JAK2: variants seen among roughly 807,000 people sequenced by gnomAD.
JAK2 encodes Janus kinase 2.
Under a neutral mutation model 139.3 loss-of-function variants are expected in JAK2, and 86 were observed. That is an observed-to-expected ratio of 0.62 (90% CI 0.52 to 0.74). The LOEUF is 0.74. Among genes scored for constraint, JAK2 ranks in the 30% least tolerant of loss-of-function variants. The pLI is 0.00. For missense variants in JAK2, 1,421 were observed against 1,360.3 expected, an observed-to-expected ratio of 1.04 and a Z score of -0.70; for synonymous variants, 490 against 437.7, an observed-to-expected ratio of 1.12 and a Z score of -1.49.
intron 6 of JAK2, among the ~76,000 whole-genome samples, chr9:5,052,156 C>G (rs1281629235): frequency 1.3e-5 from 2 of 152,014 alleles, no homozygotes; most frequent in African/African-American, 4.8e-5. Context: ...AAATATGAAG[C>G]CATCTCTAGA....
rs573991519 is a variant in JAK2, at chr9:5,129,220, T to C, written c.*2429T>C. 7.2e-5 allele frequency among the ~76,000 whole-genome samples: 11 copies of C among 152,234 alleles called. No homozygotes were observed. The highest frequency in any genetic ancestry group is 7.4e-5 in the Non-Finnish European group (5 of 67,942). On this transcript the variant is annotated 3_prime_UTR_variant, in exon 25 of 25. Coordinates refer to ENST00000381652, the MANE Select transcript of JAK2 (RefSeq NM_004972.4). ...GTGGGTGTGGCATTATGTGCTCACTTTATTGAGCCTATGTTAATTTCTTTA... is the reference window on the plus strand; with the variant it reads ...GTGGGTGTGGCATTATGTGCTCACTCTATTGAGCCTATGTTAATTTCTTTA...
At position 5,072,568 on chromosome 9, in the gene JAK2, T is replaced by C; in HGVS notation, c.1718T>C (p.Leu573Pro). ...AGAGAAGTAGGAGACTACGGTCAAC[T>C]GCATGAAACAGAAGTTCTTTTAAAA... The part of the protein sequence containing the change: ...VRREVGDYGQ[L>P]HETEVLLKVL... Residue 573 changes from leucine (L) to proline (P), a missense_variant, in exon 13 of 25, where the codon CTG (leucine) becomes CCG (proline). Leu to Pro is a moderately conservative substitution (Grantham distance 98). Transcript: ENST00000381652. 6.2e-7 allele frequency: 1 copy of C among 1,611,462 alleles called. No homozygotes were observed. Among genetic ancestry groups the C allele is most frequent in the African/African-American group, 1.3e-5 (1 of 74,976 alleles).
chr9:5,082,842 C>T (rs532371886), intron 19 of JAK2, among the ~76,000 whole-genome samples: 3 of 152,362 alleles, frequency 2.0e-5, no homozygotes, highest in East Asian at 3.9e-4. Flanking sequence ...TTCCATACAA[C>T]ACATATTTTT....
chr9:5,076,750 G>T (rs1487722615), intron 14 of JAK2, among the ~76,000 whole-genome samples: 3 of 151,582 alleles, frequency 2.0e-5, no homozygotes, highest in African/African-American at 7.3e-5. Context: ...CACTAGTAAT[G>T]CAGATTAAAT....
rs572794717 is a variant in JAK2, at chr9:4,990,614, A to AG, written c.-26+4592_-26+4593insG. Among the ~76,000 whole-genome samples the AG allele has an allele frequency of 2.8e-4, 42 of 152,042 alleles. 1 individual carries two copies. The South Asian group carries it at 8.1e-3, about 29-fold the overall frequency. On this transcript the variant is annotated intron_variant, in intron 2 of 24. Transcript: ENST00000381652. ...ATGGGTAAAGGAGACAAAGAAAAAA[A>AG]CAGTATGAGAGGCAAATTAGTGGAT...
chr9:5,007,421 G>C (rs1485656235), intron 2 of JAK2, among the ~76,000 whole-genome samples: 6 of 152,010 alleles, frequency 3.9e-5, no homozygotes, highest in African/African-American at 1.4e-4. Flanking sequence ...TTTGTCAGTG[G>C]TTATATTTTC....
intron 19 of JAK2, among the ~76,000 whole-genome samples, chr9:5,084,427 G>T (rs566414055): frequency 5.3e-4 from 81 of 152,150 alleles, no homozygotes; most frequent in African/African-American, 1.8e-3. Flanking sequence ...ATTAGCTACT[G>T]TATCCCTTTG....
At chr9:5,048,483 G>C (rs949384448) in intron 5 of JAK2, among the ~76,000 whole-genome samples, 12 of 152,074 alleles carry the variant, frequency 7.9e-5, no homozygotes, top group African/African-American at 2.9e-4. Flanking sequence ...CTATTAAAAA[G>C]AATCTACCAA....
Position 5,080,653 on chromosome 9 carries a change from A to G in JAK2, c.2404A>G (p.Ile802Val). The change falls in exon 18 of 25, where the codon ATA becomes GTA. Residue 802 changes from isoleucine (I) to valine (V), a missense_variant. By Grantham distance (29) the Ile-to-Val change is conservative. Transcript: ENST00000381652. ...TTTCAGGCCTTCTTTCAGAGCCATC[A>G]TACGAGATCTTAACAGTTTGTTTAC... ...PDFRPSFRAI[I>V]RDLNSLFTPD... The G allele has an allele frequency of 6.3e-7, 1 of 1,598,562 alleles. No individual in the cohort carries two copies. The highest frequency in any genetic ancestry group is 1.2e-5 in the South Asian group (1 of 86,842).
chr9:5,027,205 C>T (rs1822836448), intron 3 of JAK2, among the ~76,000 whole-genome samples: 1 of 152,156 alleles, frequency 6.6e-6, no homozygotes, highest in Non-Finnish European at 1.5e-5. Context: ...AAAATACTGA[C>T]ACACCTCGGA....
At chr9:5,025,679 C>A (rs561768139) in intron 3 of JAK2, among the ~76,000 whole-genome samples, 2 of 152,024 alleles carry the variant, frequency 1.3e-5, no homozygotes, top group East Asian at 3.9e-4. Flanking sequence ...ACTACAGGCA[C>A]CCACCACCAC....
intron 22 of JAK2, chr9:5,113,424 T>TAAAAAA (rs35820131): frequency 8.8e-6 from 1 of 114,134 alleles, no homozygotes; most frequent in Admixed American, 8.5e-5. Context: ...ATTAGTTATT[T>TAAAAAA]AAAAAAAAAA....
chr9:5,056,875 C>T lies in JAK2; in HGVS notation c.1056+1087C>T, dbSNP rs1251014801. Among the ~76,000 whole-genome samples the T allele has an allele frequency of 4.6e-5, 7 of 152,152 alleles. No individual in the cohort carries two copies. In the East Asian group the frequency reaches 9.6e-4, roughly 21 times the overall value. ...TCTGCAATACAGAGAAGTTAAGTAA[C>T]TTTCCAAGGGCACAGTGTTAGTTAA... On this transcript the variant is annotated intron_variant, in intron 8 of 24. Coordinates refer to ENST00000381652, the MANE Select transcript of JAK2 (RefSeq NM_004972.4).
chr9:4,987,884 C>T (rs1490365218), intron 2 of JAK2, among the ~76,000 whole-genome samples: 2 of 152,120 alleles, frequency 1.3e-5, no homozygotes, highest in South Asian at 2.1e-4. Context: ...GCTACTATCA[C>T]GGCTGGGAGG....
intron 11 of JAK2, 89 bp from the exon 12 acceptor site, chr9:5,069,836 C>G (rs41303645): frequency 1.2e-5 from 9 of 744,060 alleles, no homozygotes; most frequent in Non-Finnish European, 1.8e-5. Context: ...ATTTCTTATA[C>G]GTAGAACACA....
At chr9:4,986,798 C>A (rs916648894) in intron 2 of JAK2, among the ~76,000 whole-genome samples, 1 of 152,060 alleles carries the variant, frequency 6.6e-6, no homozygotes, top group African/African-American at 2.4e-5. Context: ...ATTCACACAG[C>A]CACTAAGTCA....
At chr9:5,014,253 C>G (rs948612067) in intron 2 of JAK2, among the ~76,000 whole-genome samples, 1 of 150,862 alleles carries the variant, frequency 6.6e-6, no homozygotes, top group Non-Finnish European at 1.5e-5. Context: ...ATCCTCTCAC[C>G]TTGGCTTCCC....
intron 22 of JAK2, among the ~76,000 whole-genome samples, chr9:5,096,409 G>C (rs895040916): frequency 5.3e-5 from 8 of 152,136 alleles, no homozygotes; most frequent in African/African-American, 1.9e-4. Flanking sequence ...CTAAGTCCTT[G>C]CTAGATCGGT....
intron 2 of JAK2, among the ~76,000 whole-genome samples, chr9:5,008,702 A>C (rs946841251): frequency 6.6e-6 from 1 of 152,162 alleles, no homozygotes; most frequent in African/African-American, 2.4e-5. Flanking sequence ...TTTGATTTGT[A>C]TCGGTACAGT....
Sources: allele counts gnomAD v4.1 joint callset (sites outside exome capture counted in the v4.1 genomes callset), GRCh38; gene constraint gnomAD v4.1.1; transcripts MANE v1.5; gene names NCBI Gene and HGNC (gene_info 2026-07-23, HGNC 2026-07-21).